The following SPAG16 variants were observed in gnomAD, a reference collection of about 807,000 sequenced individuals.
SPAG16 encodes sperm associated antigen 16.
A neutral mutation model predicts 80.4 loss-of-function variants in SPAG16; 86 were observed. The ratio of observed to expected loss-of-function variants is 1.07; its 90% CI spans 0.90 to 1.28. The LOEUF (loss-of-function observed/expected upper bound fraction) is 1.28. SPAG16 is among the 50% of genes most tolerant of loss of function. SPAG16 has a pLI of 0.00. For synonymous variants in SPAG16, 294 were observed against 265.9 expected (o/e 1.11, Z -1.03); for missense variants, 870 against 765.3 (o/e 1.14, Z -1.61).
intron 15 of SPAG16, among the ~76,000 whole-genome samples, chr2:214,366,217 C>A (rs1699471108): frequency 2.0e-5 from 3 of 152,106 alleles, no homozygotes; most frequent in Admixed American, 2.0e-4. Context: ...ACTTTGTGAT[C>A]CTCCTGCCTC....
intron 10 of SPAG16, among the ~76,000 whole-genome samples, chr2:213,782,386 T>C (rs2070049160): frequency 6.6e-6 from 1 of 152,154 alleles, no homozygotes; most frequent in African/African-American, 2.4e-5. Context: ...GTATGGTACC[T>C]AATGGAAGAG....
intron 13 of SPAG16, among the ~76,000 whole-genome samples, chr2:214,094,428 T>A (rs1474017210): frequency 6.6e-6 from 1 of 152,150 alleles, no homozygotes; most frequent in Non-Finnish European, 1.5e-5. Context: ...GAAACTCATG[T>A]GTACATAGAT....
At chr2:214,043,495 T>G (rs1358770430) in intron 13 of SPAG16, among the ~76,000 whole-genome samples, 2 of 152,194 alleles carry the variant, frequency 1.3e-5, no homozygotes, top group Non-Finnish European at 2.9e-5. Flanking sequence ...TTTCTTTCTT[T>G]CATTGATTTG....
chr2:213,803,126 G>A (rs2071523210), intron 10 of SPAG16, among the ~76,000 whole-genome samples: 1 of 152,064 alleles, frequency 6.6e-6, no homozygotes, highest in Non-Finnish European at 1.5e-5. Context: ...AGTAAGCCAG[G>A]TAATTCCAAG....
At chr2:213,565,297 C>G (rs947368561) in intron 10 of SPAG16, among the ~76,000 whole-genome samples, 3 of 152,174 alleles carry the variant, frequency 2.0e-5, no homozygotes, top group African/African-American at 7.2e-5. Context: ...GAAAGAGATA[C>G]TTTCTTCAGG....
At chr2:213,404,408 T>C (rs1157878349) in intron 9 of SPAG16, among the ~76,000 whole-genome samples, 3 of 152,026 alleles carry the variant, frequency 2.0e-5, no homozygotes, top group Non-Finnish European at 4.4e-5. Context: ...ATGCTGCATA[T>C]CTACAACTAT....
intron 3 of SPAG16, among the ~76,000 whole-genome samples, chr2:213,307,055 T>C (rs922020978): frequency 1.3e-5 from 2 of 152,176 alleles, no homozygotes; most frequent in African/African-American, 2.4e-5. Context: ...ATTATTCTTT[T>C]TGAACTTTAC....
chr2:213,599,864 G>T (rs1402671092), intron 10 of SPAG16, among the ~76,000 whole-genome samples: 2 of 152,050 alleles, frequency 1.3e-5, no homozygotes, highest in Non-Finnish European at 2.9e-5. Flanking sequence ...ACCATGACCG[G>T]CTAATTTTTG....
At chr2:213,758,631 A>G (rs980233259) in intron 10 of SPAG16, among the ~76,000 whole-genome samples, 1 of 152,166 alleles carries the variant, frequency 6.6e-6, no homozygotes, top group African/African-American at 2.4e-5. Context: ...AGATAGGACA[A>G]TGGAAATCAA....
chr2:214,203,676 C>G (rs147313078), intron 15 of SPAG16, among the ~76,000 whole-genome samples: 1 of 152,076 alleles, frequency 6.6e-6, no homozygotes, highest in Non-Finnish European at 1.5e-5. Flanking sequence ...TGGACACTCG[C>G]GGTCCCCAGG....
chr2:214,365,165 G>A (rs377701747), intron 15 of SPAG16, among the ~76,000 whole-genome samples: 30 of 152,228 alleles, frequency 2.0e-4, no homozygotes, highest in South Asian at 8.3e-4. Context: ...ACAAGAGATA[G>A]GAAATACAAG....
chr2:213,962,999 A>G (rs779685251), intron 12 of SPAG16, among the ~76,000 whole-genome samples: 1 of 146,510 alleles, frequency 6.8e-6, no homozygotes, highest in Admixed American at 6.7e-5. Context: ...TTATTATTTT[A>G]TTGATTTTTT....
intron 10 of SPAG16, among the ~76,000 whole-genome samples, chr2:213,735,404 C>T (rs1379814274): frequency 6.6e-6 from 1 of 152,088 alleles, no homozygotes; most frequent in Non-Finnish European, 1.5e-5. Context: ...TGTTTCAAAT[C>T]CTATAGAAGA....
rs574687161 is a variant in SPAG16, at chr2:214,077,868, T to C, written c.1528-30328T>C. ...TCCTGTATGGCAAAGGATATAACTC[T>C]GTAGCAACTTGCTGTTCCTTTTGTG... On this transcript the variant is annotated intron_variant, in intron 13 of 15. Coordinates refer to ENST00000331683, the MANE Select transcript of SPAG16 (RefSeq NM_024532.5). Among the ~76,000 whole-genome samples the C allele has an allele frequency of 4.6e-5, 7 of 152,346 alleles. No homozygotes were observed. The South Asian group carries it at 1.2e-3, about 27-fold the overall frequency.
chr2:214,250,733 G>GATATATAT (rs59644776), intron 15 of SPAG16, among the ~76,000 whole-genome samples: 24 of 112,352 alleles, frequency 2.1e-4, no homozygotes, highest in African/African-American at 6.5e-4. Flanking sequence ...GGAGCTTTGA[G>GATATATAT]ATATATATAT....
chr2:214,004,397 C>T lies in SPAG16; in HGVS notation c.1401-9554C>T, dbSNP rs530540800. On this transcript the variant is annotated intron_variant, in intron 12 of 15. Transcript: ENST00000331683. ...AAATGATTCAATCCTCCAGCAGAGA[C>T]GGGGAGGCAAGCTGTTCCTCCTGAT... Among the ~76,000 whole-genome samples, 10 of 152,174 alleles carry T rather than the reference C, an allele frequency of 6.6e-5. No homozygotes were observed. In the South Asian group the frequency reaches 1.7e-3, roughly 25 times the overall value.
At chr2:213,513,110 C>T (rs182144298) in intron 10 of SPAG16, among the ~76,000 whole-genome samples, 58 of 152,256 alleles carry the variant, frequency 3.8e-4, no homozygotes, top group Non-Finnish European at 6.0e-4. Flanking sequence ...TCCACTGTCA[C>T]GTGTGTATGT....
chr2:213,644,485 C>T (rs896273432), intron 10 of SPAG16, among the ~76,000 whole-genome samples: 2 of 152,138 alleles, frequency 1.3e-5, no homozygotes, highest in Non-Finnish European at 1.5e-5. Context: ...TGTAGACATC[C>T]TTCTTGGGAA....
intron 10 of SPAG16, among the ~76,000 whole-genome samples, chr2:213,523,510 G>C (rs958490548): frequency 1.3e-5 from 2 of 152,336 alleles, no homozygotes; most frequent in East Asian, 3.9e-4. Flanking sequence ...ACAGGCAGAA[G>C]TTGGAACAGT....
Sources: gnomAD v4.1 joint callset for allele counts (sites outside exome capture counted in the v4.1 genomes callset) on GRCh38, gnomAD v4.1.1 for gene constraint, MANE v1.5 for transcripts, NCBI Gene and HGNC (gene_info 2026-07-23, HGNC 2026-07-21) for gene names.